The following CADPS variants were observed in gnomAD, a reference collection of about 807,000 sequenced individuals.
The protein encoded by CADPS is calcium dependent secretion activator, also known as calcium-dependent secretion activator 1.
In CADPS, 57 loss-of-function variants were observed where a neutral mutation model predicts 167.3. That is an observed-to-expected ratio of 0.34 (90% confidence interval 0.28 to 0.42). The LOEUF (loss-of-function observed/expected upper bound fraction) is 0.42, where lower values mean the gene tolerates loss of function less well. Ranked by LOEUF, CADPS falls within the 20% of genes least tolerant of loss-of-function variation. The probability of loss-of-function intolerance (pLI) is 1.00; values close to 1 mark genes in which losing one functional copy is unlikely to be tolerated. For synonymous variants in CADPS, 676 were observed against 635.3 expected, an observed-to-expected ratio of 1.06 and a Z score of -0.96; for missense variants, 1,414 against 1,738.1, an observed-to-expected ratio of 0.81 and a Z score of 3.32.
chr3:62,740,866 A>G (rs1406875614), intron 3 of CADPS, among the ~76,000 whole-genome samples: 3 of 152,224 alleles, frequency 2.0e-5, no homozygotes, highest in African/African-American at 7.2e-5. Flanking sequence ...TTACATCGAT[A>G]ATAAATAGCT....
intron 8 of CADPS, among the ~76,000 whole-genome samples, chr3:62,584,532 T>A (rs1029158798): frequency 1.3e-5 from 2 of 152,218 alleles, no homozygotes; most frequent in Non-Finnish European, 2.9e-5. Context: ...GATAATGACA[T>A]CCATGTGATT....
chr3:62,789,227 G>A (rs304211), intron 1 of CADPS, among the ~76,000 whole-genome samples: 114,343 of 151,970 alleles, frequency 0.75, 43,319 homozygotes, highest in East Asian at 0.95. Context: ...GTACTATCCT[G>A]GGGGTTCTTC....
intron 17 of CADPS, among the ~76,000 whole-genome samples, chr3:62,505,952 A>T (rs1444473235): frequency 6.6e-6 from 1 of 152,200 alleles, no homozygotes; most frequent in East Asian, 1.9e-4. Context: ...TTCAGTATAC[A>T]TACAAACTAC....
At chr3:62,783,130 A>C (rs2091958027) in intron 1 of CADPS, among the ~76,000 whole-genome samples, 1 of 152,140 alleles carries the variant, frequency 6.6e-6, no homozygotes, top group African/African-American at 2.4e-5. Context: ...AAAGAAAACA[A>C]ACGCTAAAAA....
In CADPS at chr3:62,438,090, A is replaced by G; in HGVS notation, c.3777+14T>C. On this transcript the variant is annotated intron_variant, in intron 28 of 29. Coordinates refer to ENST00000383710, the MANE Select transcript of CADPS (RefSeq NM_003716.4). The surrounding 1 kb of genome is among the most constrained non-coding windows in gnomAD (Gnocchi z 4.7). ...TCCTCCTTGGTTTTCAAGGAGGAGA[A>G]GGCATTTACTTACATCAAATAACCT... 1 of 1,553,700 alleles carries G rather than the reference A, an allele frequency of 6.4e-7. No homozygotes were observed. The highest frequency in any genetic ancestry group is 8.9e-7 in the Non-Finnish European group (1 of 1,125,986).
intron 1 of CADPS, among the ~76,000 whole-genome samples, chr3:62,852,326 G>C (rs1021136915): frequency 1.3e-5 from 2 of 152,070 alleles, no homozygotes; most frequent in African/African-American, 4.8e-5. Context: ...GAGGAACTGC[G>C]TTCCTCAGAT....
intron 3 of CADPS, among the ~76,000 whole-genome samples, chr3:62,722,567 G>C (rs1371447592): frequency 6.6e-6 from 1 of 152,184 alleles, no homozygotes; most frequent in Non-Finnish European, 1.5e-5. Context: ...GCTTTCACAG[G>C]CTCATTTGCC....
chr3:62,830,641 C>T lies in CADPS; in HGVS notation c.441+43948G>A, dbSNP rs1185455685. Among the ~76,000 whole-genome samples the T allele has an allele frequency of 2.6e-5, 4 of 152,076 alleles. No homozygotes were observed. In the East Asian group the frequency reaches 7.7e-4, roughly 29 times the overall value. ...AAAGTCTCCCTACAGAAAATTGGAG[C>T]TTTATAGCTAGCTGTACAGACCTGA... On this transcript the variant is annotated intron_variant, in intron 1 of 29. Transcript: ENST00000383710.
chr3:62,619,775 T>C (rs1241512292), intron 6 of CADPS, among the ~76,000 whole-genome samples: 1 of 152,212 alleles, frequency 6.6e-6, no homozygotes, highest in Non-Finnish European at 1.5e-5. Context: ...TTTAGGTTTT[T>C]GAAGTGTTAC....
At chr3:62,571,679 C>T (rs958381685) in intron 8 of CADPS, among the ~76,000 whole-genome samples, 2 of 151,910 alleles carry the variant, frequency 1.3e-5, no homozygotes, top group Non-Finnish European at 2.9e-5. Flanking sequence ...ATTCTCCTGC[C>T]TCAGCCTCCC....
intron 9 of CADPS, among the ~76,000 whole-genome samples, chr3:62,558,063 A>T (rs998260483): frequency 5.3e-5 from 8 of 152,236 alleles, no homozygotes; most frequent in African/African-American, 1.9e-4. Flanking sequence ...TTTGATCAGC[A>T]TCAAACTACA....
intron 27 of CADPS, among the ~76,000 whole-genome samples, chr3:62,443,279 A>C (rs1245727023): frequency 1.3e-5 from 2 of 152,192 alleles, no homozygotes; most frequent in Non-Finnish European, 2.9e-5. Context: ...TGTGAAGATA[A>C]AATGTAAACT....
rs978885464 is a variant in CADPS at position 62,536,657 on chromosome 3, A to G, written c.1967-76T>C. 27 of 1,418,882 alleles carry G rather than the reference A, an allele frequency of 1.9e-5. 1 individual carries two copies. In the Middle Eastern group the frequency reaches 3.0e-3, roughly 158 times the overall value. 87.9% of individuals were successfully genotyped at this position (1,418,882 alleles called of 1,614,324 possible). A position where few individuals can be genotyped will look rare whatever the true frequency, so the allele number is the denominator to read the frequency against. On this transcript the variant is annotated intron_variant, in intron 11 of 29. Transcript: ENST00000383710. ...ATTTTCTTTGACATTTCAAATACACAGGAATTCACTAGACATTATGAACGT... is the reference window on the plus strand; with the variant it reads ...ATTTTCTTTGACATTTCAAATACACGGGAATTCACTAGACATTATGAACGT...
chr3:62,712,023 ATCTT>A (rs1329975742), intron 3 of CADPS, among the ~76,000 whole-genome samples: 1 of 152,160 alleles, frequency 6.6e-6, no homozygotes, highest in Admixed American at 6.6e-5. Flanking sequence ...ATATTTTGAC[ATCTT>A]TCTATTTCAG....
chr3:62,619,471 G>C (rs1039363918), intron 6 of CADPS, among the ~76,000 whole-genome samples: 30 of 152,088 alleles, frequency 2.0e-4, no homozygotes, highest in African/African-American at 6.5e-4. Flanking sequence ...TCAATACATT[G>C]ATATGACAAG....
intron 6 of CADPS, among the ~76,000 whole-genome samples, chr3:62,611,603 C>A (rs144568190): frequency 6.6e-6 from 1 of 152,326 alleles, no homozygotes; most frequent in East Asian, 1.9e-4. Context: ...ATGAGTTGAA[C>A]CTTCACTGTC....
chr3:62,492,961 A>T (rs1039249676), intron 19 of CADPS, among the ~76,000 whole-genome samples: 5 of 152,304 alleles, frequency 3.3e-5, no homozygotes, highest in Admixed American at 2.0e-4. Context: ...TGTTACTCCT[A>T]TTTCATACTA....
chr3:62,753,474 C>A lies in CADPS; in HGVS notation c.855G>T (p.Lys285Asn), dbSNP rs189008412. The A allele has an allele frequency of 6.8e-5, 109 of 1,613,274 alleles. No individual in the cohort carries two copies. The highest frequency in any genetic ancestry group is 8.5e-5 in the Non-Finnish European group (100 of 1,179,436). ...EMFQNILGIK[K>N]FEHQLLYNAC... ...CATTGTAAAGGAGCTGATGTTCGAA[C>A]TTCTTGATCCCAAGAATGTTCTGGA... The change falls in exon 3 of 30, where the codon AAG (lysine) becomes AAT (asparagine). Residue 285 changes from lysine (K) to asparagine (N), a missense_variant. Physicochemically the swap from Lys to Asn is moderately conservative, Grantham distance 94. Coordinates refer to ENST00000383710, the MANE Select transcript of CADPS (RefSeq NM_003716.4). The surrounding 1 kb of genome is among the most constrained non-coding windows in gnomAD (Gnocchi z 4.6).
In CADPS at chr3:62,698,731, C is replaced by CTTTTTTTTT. The variant is rs201324385; in HGVS notation, c.889-36346_889-36338dup. 4.5e-5 allele frequency among the ~76,000 whole-genome samples: 3 copies of CTTTTTTTTT among 67,212 alleles called. 1 individual carries two copies. Among genetic ancestry groups the CTTTTTTTTT allele is most frequent in the African/African-American group, 6.0e-5 (1 of 16,636 alleles). The allele number at this position is 67,212 out of a possible 152,430, so 44.1% of individuals were successfully genotyped here. A position where few individuals can be genotyped will look rare whatever the true frequency, so the allele number is the denominator to read the frequency against. On this transcript the variant is annotated intron_variant, in intron 3 of 29. Coordinates refer to ENST00000383710, the MANE Select transcript of CADPS (RefSeq NM_003716.4). ...TCTCCTTTCCTTTCCTCCCCACTTCCTTTTTTTTTTTTTTTTTTTTTTTTT... is the reference window on the plus strand; with the variant it reads ...TCTCCTTTCCTTTCCTCCCCACTTCCTTTTTTTTTTTTTTTTTTTTTTTTTTTTTTTTTT...
Sources: gnomAD v4.1 joint callset for allele counts (sites outside exome capture counted in the v4.1 genomes callset) on GRCh38, gnomAD v4.1.1 for gene constraint, Gnocchi (gnomAD v3.1) non-coding constraint, MANE v1.5 for transcripts, NCBI Gene and HGNC (gene_info 2026-07-23, HGNC 2026-07-21) for gene names.